The following KCNIP4 variants were observed in gnomAD, a reference collection of about 807,000 sequenced individuals.
KCNIP4 encodes the protein Kv channel-interacting protein 4.
KCNIP4 carries 12 observed loss-of-function variants against 34.0 expected under a neutral mutation model. The ratio of observed to expected loss-of-function variants is 0.35; its 90% CI spans 0.23 to 0.57. The LOEUF is 0.57. Ranked by LOEUF, KCNIP4 falls within the 20% of genes least tolerant of loss-of-function variation. KCNIP4 has a pLI of 0.83. For synonymous variants in KCNIP4, 124 were observed against 102.2 expected (o/e 1.21, Z -1.29); for missense variants, 238 against 311.7 (o/e 0.76, Z 1.78).
At chr4:20,784,070 C>T (rs1711591722) in intron 3 of KCNIP4, among the ~76,000 whole-genome samples, 2 of 152,134 alleles carry the variant, frequency 1.3e-5, no homozygotes, top group South Asian at 2.1e-4. Context: ...AATGATAAAA[C>T]TCACATTCAA....
chr4:21,519,962 C>G (rs990502575), intron 1 of KCNIP4, among the ~76,000 whole-genome samples: 2 of 151,356 alleles, frequency 1.3e-5, no homozygotes, highest in Admixed American at 1.3e-4. Flanking sequence ...CATTTGCAAG[C>G]TAAGGAGCAA....
chr4:20,877,820 T>G (rs1469006522), intron 2 of KCNIP4, among the ~76,000 whole-genome samples: 1 of 152,190 alleles, frequency 6.6e-6, no homozygotes. Flanking sequence ...AAGGTTCTTT[T>G]GGGTATAAGT....
intron 1 of KCNIP4, among the ~76,000 whole-genome samples, chr4:21,285,429 T>C (rs1213261385): frequency 6.6e-6 from 1 of 152,194 alleles, no homozygotes; most frequent in Non-Finnish European, 1.5e-5. Context: ...TTAGTTTTCA[T>C]TTTATCAGAG....
intron 1 of KCNIP4, among the ~76,000 whole-genome samples, chr4:21,927,021 C>A (rs1013066603): frequency 2.6e-5 from 4 of 152,142 alleles, no homozygotes; most frequent in Non-Finnish European, 4.4e-5. Context: ...TGCTGGGTTC[C>A]TTTCTGGAGG....
intron 1 of KCNIP4, among the ~76,000 whole-genome samples, chr4:20,897,505 C>T (rs1180588305): frequency 6.6e-6 from 1 of 151,946 alleles, no homozygotes; most frequent in Admixed American, 6.6e-5. Flanking sequence ...TTGTACCTGC[C>T]CCTCCCTCCC....
intron 1 of KCNIP4, among the ~76,000 whole-genome samples, chr4:21,679,701 T>C (rs1161050139): frequency 1.3e-5 from 2 of 152,192 alleles, no homozygotes; most frequent in Non-Finnish European, 2.9e-5. Context: ...GCAGGTTCCA[T>C]TATAGAACAC....
intron 1 of KCNIP4, among the ~76,000 whole-genome samples, chr4:21,360,221 G>C (rs1453805572): frequency 6.6e-6 from 1 of 151,972 alleles, no homozygotes; most frequent in Non-Finnish European, 1.5e-5. Context: ...AGAATTATTA[G>C]GAATCATTGA....
chr4:21,276,322 G>A (rs1762433774), intron 1 of KCNIP4, among the ~76,000 whole-genome samples: 1 of 150,490 alleles, frequency 6.6e-6, no homozygotes, highest in South Asian at 2.1e-4. Flanking sequence ...CCTGTTTGTG[G>A]TAGTTTGTTT....
At chr4:21,804,037 C>T (rs1721156248) in intron 1 of KCNIP4, among the ~76,000 whole-genome samples, 1 of 152,136 alleles carries the variant, frequency 6.6e-6, no homozygotes, top group Non-Finnish European at 1.5e-5. Flanking sequence ...TTAAGAGGGG[C>T]TTGGTACAAG....
intron 1 of KCNIP4, among the ~76,000 whole-genome samples, chr4:21,374,486 C>T (rs1720789874): frequency 6.8e-6 from 1 of 146,984 alleles, no homozygotes; most frequent in Non-Finnish European, 1.5e-5. Context: ...GTCCCTCCCA[C>T]AATACATGGG....
intron 1 of KCNIP4, among the ~76,000 whole-genome samples, chr4:20,930,839 A>T (rs7684992): frequency 0.11 from 4,412 of 40,574 alleles, 73 homozygotes; most frequent in Non-Finnish European, 0.2. Flanking sequence ...TGGCTATTAT[A>T]AAAAAAAAAA....
intron 1 of KCNIP4, among the ~76,000 whole-genome samples, chr4:21,615,658 T>C (rs1475273325): frequency 4.6e-5 from 7 of 152,212 alleles, no homozygotes; most frequent in African/African-American, 1.2e-4. Context: ...AAAAATAAAG[T>C]ACATCTCTAA....
chr4:21,326,254 G>T (rs1227208559), intron 1 of KCNIP4, among the ~76,000 whole-genome samples: 1 of 150,946 alleles, frequency 6.6e-6, no homozygotes, highest in African/African-American at 2.4e-5. Context: ...AATAACAGTT[G>T]CTTTATACAT....
intron 1 of KCNIP4, among the ~76,000 whole-genome samples, chr4:21,347,385 T>C (rs1670577027): frequency 6.6e-6 from 1 of 152,138 alleles, no homozygotes; most frequent in South Asian, 2.1e-4. Context: ...CTAGAGACAC[T>C]GGTGAGGTGA....
In KCNIP4 at chr4:21,910,354, C is replaced by T. The variant is rs138616722; in HGVS notation, c.61+38217G>A. Among the ~76,000 whole-genome samples, 1,184 of 152,128 alleles carry T rather than the reference C, an allele frequency of 7.8e-3. 10 individuals carry two copies. The highest frequency in any genetic ancestry group is 0.014 in the South Asian group (66 of 4,816). The stretch of plus-strand genomic sequence containing the variant: ...AAGAAAAACACACAAGCAAAACATA[C>T]GAAAGTATTTTATTCCAAGCAGCTT... On this transcript the variant is annotated intron_variant, in intron 1 of 8. Coordinates refer to ENST00000382152, the MANE Select transcript of KCNIP4 (RefSeq NM_025221.6).
At chr4:21,469,509 G>T (rs1049651493) in intron 1 of KCNIP4, among the ~76,000 whole-genome samples, 3 of 152,070 alleles carry the variant, frequency 2.0e-5, no homozygotes, top group African/African-American at 7.2e-5. Flanking sequence ...TTAAAAACAT[G>T]ATTACAAGCA....
chr4:20,901,176 C>A (rs1268285832), intron 1 of KCNIP4, among the ~76,000 whole-genome samples: 1 of 152,146 alleles, frequency 6.6e-6, no homozygotes, highest in East Asian at 1.9e-4. Flanking sequence ...CCAATTTAAT[C>A]ATGAAAAGAA....
intron 1 of KCNIP4, among the ~76,000 whole-genome samples, chr4:21,366,511 A>G (rs1202986036): frequency 1.3e-5 from 2 of 152,220 alleles, no homozygotes; most frequent in African/African-American, 4.8e-5. Context: ...AGTAATTGCC[A>G]GAGTAGAACA....
chr4:21,002,339 A>C (rs1044297279), intron 1 of KCNIP4, among the ~76,000 whole-genome samples: 1 of 152,214 alleles, frequency 6.6e-6, no homozygotes, highest in African/African-American at 2.4e-5. Flanking sequence ...TGTAATTTTT[A>C]TAAAATAAGC....
Sources: allele counts gnomAD v4.1 joint callset (sites outside exome capture counted in the v4.1 genomes callset), GRCh38; gene constraint gnomAD v4.1.1; transcripts MANE v1.5; gene names NCBI Gene and HGNC (gene_info 2026-07-23, HGNC 2026-07-21).